Variants in ATXN8OS observed in about 807,000 individuals in gnomAD.
ATXN8OS encodes ATXN8 opposite strand lncRNA.
chr13:70,114,672 A>C (rs1447001596), intron 1 of ATXN8OS, among the ~76,000 whole-genome samples: 1 of 152,128 alleles, frequency 6.6e-6, no homozygotes, highest in Non-Finnish European at 1.5e-5. Context: ...TCTTAGTTGG[A>C]TAATGACTCA....
At chr13:70,159,772 T>G (rs1888981477) in intron 4 of ATXN8OS, among the ~76,000 whole-genome samples, 1 of 152,212 alleles carries the variant, frequency 6.6e-6, no homozygotes, top group Non-Finnish European at 1.5e-5. Flanking sequence ...TTCCAGAATA[T>G]CACATGGAAT....
At chr13:70,121,329 G>A (rs1888357648) in intron 2 of ATXN8OS, among the ~76,000 whole-genome samples, 1 of 152,098 alleles carries the variant, frequency 6.6e-6, no homozygotes, top group Admixed American at 6.6e-5. Context: ...GATAGTGTGG[G>A]AGGAGAGGGA....
At chr13:70,144,047 G>T (rs902686940) in intron 3 of ATXN8OS, among the ~76,000 whole-genome samples, 2 of 151,990 alleles carry the variant, frequency 1.3e-5, no homozygotes, top group African/African-American at 4.8e-5. Context: ...GAATGGTTTT[G>T]GGAAAATAAA....
intron 2 of ATXN8OS, among the ~76,000 whole-genome samples, chr13:70,127,612 T>C (rs535655468): frequency 3.9e-5 from 6 of 152,040 alleles, no homozygotes; most frequent in Non-Finnish European, 7.4e-5. Context: ...TGATGCTACC[T>C]GCCCACAACA....
chr13:70,124,146 GC>G (rs1275327464), intron 2 of ATXN8OS, among the ~76,000 whole-genome samples: 1 of 151,534 alleles, frequency 6.6e-6, no homozygotes, highest in African/African-American at 2.4e-5. Context: ...ATTATTTTTT[GC>G]CTTTGTGTAT....
chr13:70,140,543 A>AAAAC (rs1555300653), intron 3 of ATXN8OS, among the ~76,000 whole-genome samples: 1 of 151,666 alleles, frequency 6.6e-6, no homozygotes, highest in African/African-American at 2.4e-5. Flanking sequence ...CAAAAAAAAA[A>AAAAC]AAACGGAGAA....
intron 4 of ATXN8OS, among the ~76,000 whole-genome samples, chr13:70,169,025 A>G (rs1268181679): frequency 2.6e-5 from 4 of 152,126 alleles, no homozygotes. Context: ...AATGATGAGA[A>G]CAGACCTAGT....
rs1164981442 is a variant in ATXN8OS, at chr13:70,121,536, A to C, written n.398+6238A>C. Among the ~76,000 whole-genome samples, 4 of 152,052 alleles carry C rather than the reference A, an allele frequency of 2.6e-5. No homozygotes were observed. The South Asian group carries it at 8.3e-4, about 31-fold the overall frequency. ...TCATCCGGAAATATTTTTTTTCTCC[A>C]CCCAGAGACTCAATAATGTAGCCAA... is the stretch of plus-strand genomic sequence containing the variant. On this transcript the variant is annotated intron_variant and non_coding_transcript_variant, in intron 2 of 4. Transcript: ENST00000678624.
At chr13:70,143,919 T>C (rs2137494335) in intron 3 of ATXN8OS, among the ~76,000 whole-genome samples, 1 of 152,262 alleles carries the variant, frequency 6.6e-6, no homozygotes, top group East Asian at 1.9e-4. Context: ...AAGATTAAAA[T>C]AAATTCTTAT....
At chr13:70,149,988 G>A (rs1888841586) in intron 4 of ATXN8OS, among the ~76,000 whole-genome samples, 1 of 152,140 alleles carries the variant, frequency 6.6e-6, no homozygotes, top group Non-Finnish European at 1.5e-5. Flanking sequence ...TCCTGAACTA[G>A]ACAGACTTTC....
At chr13:70,168,408 T>C (rs2137509188) in intron 4 of ATXN8OS, among the ~76,000 whole-genome samples, 1 of 152,162 alleles carries the variant, frequency 6.6e-6, no homozygotes, top group East Asian at 1.9e-4. Context: ...AAATATACAA[T>C]ATGTTGTTGC....
At chr13:70,117,154 A>G (rs1368984716) in intron 2 of ATXN8OS, among the ~76,000 whole-genome samples, 3 of 152,058 alleles carry the variant, frequency 2.0e-5, no homozygotes, top group African/African-American at 7.2e-5. Flanking sequence ...ACAATGTTCT[A>G]TTACACTAGA....
intron 3 of ATXN8OS, among the ~76,000 whole-genome samples, chr13:70,144,189 A>G (rs1038219928): frequency 1.3e-5 from 2 of 152,056 alleles, no homozygotes; most frequent in African/African-American, 2.4e-5. Flanking sequence ...TCTTCATCCC[A>G]TTATCAAAAT....
chr13:70,145,601 C>A (rs1013511330), intron 3 of ATXN8OS, among the ~76,000 whole-genome samples: 2 of 152,014 alleles, frequency 1.3e-5, no homozygotes, highest in Admixed American at 1.3e-4. Flanking sequence ...GTATTTTATT[C>A]TCTTTGAAGC....
At chr13:70,159,673 A>G (rs963040618) in intron 4 of ATXN8OS, among the ~76,000 whole-genome samples, 1 of 152,182 alleles carries the variant, frequency 6.6e-6, no homozygotes, top group Non-Finnish European at 1.5e-5. Flanking sequence ...AAGATATTCC[A>G]TGGCGCTGTC....
intron 4 of ATXN8OS, among the ~76,000 whole-genome samples, chr13:70,160,481 A>G (rs563663202): frequency 1.3e-4 from 19 of 151,880 alleles, no homozygotes; most frequent in Admixed American, 1.2e-3. Context: ...TGAAGTTAGC[A>G]TATTTCTTTC....
intron 3 of ATXN8OS, among the ~76,000 whole-genome samples, chr13:70,147,109 G>T (rs778003363): frequency 6.6e-6 from 1 of 152,066 alleles, no homozygotes; most frequent in Non-Finnish European, 1.5e-5. Context: ...CCAAAAGAGT[G>T]AAAATAAGCA....
intron 3 of ATXN8OS, among the ~76,000 whole-genome samples, chr13:70,130,372 C>T (rs1032938425): frequency 2.0e-5 from 3 of 152,066 alleles, no homozygotes; most frequent in Admixed American, 6.6e-5. Context: ...TTTAAATTCA[C>T]GTTTTGTAGA....
intron 4 of ATXN8OS, among the ~76,000 whole-genome samples, chr13:70,154,399 C>T (rs1479443272): frequency 6.6e-6 from 1 of 152,098 alleles, no homozygotes; most frequent in Non-Finnish European, 1.5e-5. Context: ...TCTTTCTTTC[C>T]TTCTCTGTCT....
Sources: gnomAD v4.1 joint callset for allele counts (sites outside exome capture counted in the v4.1 genomes callset) on GRCh38, gnomAD v4.1.1 for gene constraint, MANE v1.5 for transcripts, NCBI Gene and HGNC (gene_info 2026-07-23, HGNC 2026-07-21) for gene names.